RARB: variants seen among roughly 807,000 people sequenced by gnomAD.
RARB encodes retinoic acid receptor beta, also known as HBV-activated protein.
Under a neutral mutation model 51.9 loss-of-function variants are expected in RARB, and 17 were observed. The observed-to-expected ratio is 0.33, with a 90% CI of 0.22 to 0.49. The LOEUF (loss-of-function observed/expected upper bound fraction) is 0.49, where lower values mean the gene tolerates loss of function less well. Among genes scored for constraint, RARB ranks in the 20% least tolerant of loss-of-function variants. The probability of loss-of-function intolerance (pLI) is 0.99; values close to 1 mark genes in which losing one functional copy is unlikely to be tolerated. For missense variants in RARB, 369 were observed against 550.8 expected (o/e 0.67, Z 3.30); for synonymous variants, 215 against 195.4 (o/e 1.10, Z -0.84).
intron 4 of RARB, among the ~76,000 whole-genome samples, chr3:25,139,873 G>C (rs1700082826): frequency 6.6e-6 from 1 of 152,146 alleles, no homozygotes; most frequent in African/African-American, 2.4e-5. Context: ...AAAAGTCTTA[G>C]GGCCCTTAAT....
At chr3:25,116,879 T>C (rs1699695979) in intron 3 of RARB, among the ~76,000 whole-genome samples, 1 of 152,128 alleles carries the variant, frequency 6.6e-6, no homozygotes, top group African/African-American at 2.4e-5. Context: ...CTAGGAATGA[T>C]ATGTTGTGCC....
At chr3:24,849,925 G>A (rs74548634) in intron 1 of RARB, among the ~76,000 whole-genome samples, 2,681 of 152,324 alleles carry the variant, frequency 0.018, 40 homozygotes, top group Middle Eastern at 0.061. Flanking sequence ...TTGAAGCAGA[G>A]TTGTCTTTGT....
At chr3:24,948,045 A>G (rs981220262) in intron 2 of RARB, among the ~76,000 whole-genome samples, 5 of 151,994 alleles carry the variant, frequency 3.3e-5, no homozygotes, top group Non-Finnish European at 7.4e-5. Context: ...TGTCTTTGTC[A>G]TAGTTCTGAT....
intron 1 of RARB, among the ~76,000 whole-genome samples, chr3:25,456,581 C>CTTTTTTTTT (rs1694919794): frequency 8.1e-5 from 2 of 24,816 alleles, no homozygotes; most frequent in African/African-American, 4.1e-4. Flanking sequence ...TTTTTTTTTG[C>CTTTTTTTTT]CTTGCATTGT....
intron 3 of RARB, among the ~76,000 whole-genome samples, chr3:25,514,235 A>G (rs1698046987): frequency 2.0e-5 from 3 of 152,212 alleles, no homozygotes; most frequent in Admixed American, 2.0e-4. Flanking sequence ...GAGTGGTATC[A>G]AGGACTTAAA....
intron 1 of RARB, among the ~76,000 whole-genome samples, chr3:25,437,407 T>C (rs1183459576): frequency 1.3e-5 from 2 of 152,220 alleles, no homozygotes; most frequent in Non-Finnish European, 2.9e-5. Flanking sequence ...TTTTGCAACG[T>C]GCCATTCAGC....
At chr3:25,471,152 T>TG (rs1695669107) in intron 2 of RARB, among the ~76,000 whole-genome samples, 1 of 152,208 alleles carries the variant, frequency 6.6e-6, no homozygotes, top group Non-Finnish European at 1.5e-5. Context: ...TTCATGGAAT[T>TG]ATATATAAAC....
rs142220193 is a variant in RARB at position 25,100,920 on chromosome 3, G to A, written c.-327-31241G>A. ...GTCCATTCATTAATCTTAGACTCCT[G>A]TTGGCTCTTAGCCCTACACTCGGAG... On this transcript the variant is annotated intron_variant, in intron 3 of 11. Transcript: ENST00000383772. Among the ~76,000 whole-genome samples, 8 of 152,282 alleles carry A rather than the reference G, an allele frequency of 5.3e-5. No individual in the cohort carries two copies. In the East Asian group the frequency reaches 1.5e-3, roughly 29 times the overall value.
At chr3:24,891,783 A>G (rs1249993651) in intron 2 of RARB, among the ~76,000 whole-genome samples, 1 of 152,062 alleles carries the variant, frequency 6.6e-6, no homozygotes, top group African/African-American at 2.4e-5. Context: ...TAGAGTAGAT[A>G]AGTTGAGAAA....
intron 2 of RARB, among the ~76,000 whole-genome samples, chr3:24,964,889 T>C (rs1696220945): frequency 6.6e-6 from 1 of 152,182 alleles, no homozygotes; most frequent in African/African-American, 2.4e-5. Flanking sequence ...GGAAAGATAT[T>C]TGTGACAGGT....
At chr3:25,101,742 A>T (rs952528218) in intron 3 of RARB, among the ~76,000 whole-genome samples, 1 of 151,796 alleles carries the variant, frequency 6.6e-6, no homozygotes, top group African/African-American at 2.4e-5. Flanking sequence ...CTGGATCAAA[A>T]TGTGTTTACT....
intron 5 of RARB, among the ~76,000 whole-genome samples, chr3:25,220,055 A>G (rs1196438785): frequency 1.3e-5 from 2 of 152,248 alleles, no homozygotes; most frequent in Non-Finnish European, 2.9e-5. Flanking sequence ...GAATGCATCT[A>G]TATCACCTTA....
chr3:24,972,277 A>C (rs1334661518), intron 2 of RARB, among the ~76,000 whole-genome samples: 1 of 151,970 alleles, frequency 6.6e-6, no homozygotes, highest in African/African-American at 2.4e-5. Context: ...TTCACTTCAC[A>C]TAACTCCCAG....
At chr3:24,976,405 G>T (rs887538198) in intron 2 of RARB, among the ~76,000 whole-genome samples, 1 of 152,052 alleles carries the variant, frequency 6.6e-6, no homozygotes, top group African/African-American at 2.4e-5. Context: ...AAGCATTCCT[G>T]TTTCTCCACA....
At chr3:25,129,043 T>C (rs935997005) in intron 3 of RARB, among the ~76,000 whole-genome samples, 2 of 152,086 alleles carry the variant, frequency 1.3e-5, no homozygotes, top group African/African-American at 4.8e-5. Flanking sequence ...AGCCCATATC[T>C]AGAAAAAATA....
chr3:25,381,739 T>G (rs1346798167), intron 5 of RARB, among the ~76,000 whole-genome samples: 2 of 152,236 alleles, frequency 1.3e-5, no homozygotes, highest in Non-Finnish European at 2.9e-5. Context: ...CCTGGGAATC[T>G]GTTAGAAATG....
intron 5 of RARB, among the ~76,000 whole-genome samples, chr3:25,181,545 G>A (rs321524): frequency 0.21 from 31,260 of 152,036 alleles, 3,374 homozygotes; most frequent in African/African-American, 0.25. Flanking sequence ...GAGGCTTAAT[G>A]TCCTGCAATG....
intron 2 of RARB, among the ~76,000 whole-genome samples, chr3:24,975,070 G>A (rs1339359891): frequency 1.3e-5 from 2 of 152,144 alleles, no homozygotes; most frequent in East Asian, 1.9e-4. Flanking sequence ...GAGTTGAAAT[G>A]AGTTCCTGAA....
At chr3:24,946,304 G>C (rs1695773528) in intron 2 of RARB, among the ~76,000 whole-genome samples, 1 of 133,712 alleles carries the variant, frequency 7.5e-6, no homozygotes, top group African/African-American at 2.5e-5. Context: ...TTCAAGTATA[G>C]TTGATGGACA....
Sources: gnomAD v4.1 joint callset for allele counts (sites outside exome capture counted in the v4.1 genomes callset) on GRCh38, gnomAD v4.1.1 for gene constraint, MANE v1.5 for transcripts, NCBI Gene and HGNC (gene_info 2026-07-23, HGNC 2026-07-21) for gene names.